The following DNAH17 variants were observed in gnomAD, a reference collection of about 807,000 sequenced individuals.
DNAH17 encodes axonemal beta dynein heavy chain 17.
Under a neutral mutation model 485.6 loss-of-function variants are expected in DNAH17, and 376 were observed. The observed-to-expected ratio is 0.77, with a 90% CI of 0.71 to 0.84. The LOEUF is 0.84. Among genes scored for constraint, DNAH17 ranks in the 40% least tolerant of loss-of-function variants. The pLI, the probability that DNAH17 is intolerant of heterozygous loss-of-function variation, is 0.00. For missense variants in DNAH17, 6,370 were observed against 5,839.3 expected (o/e 1.09, Z -2.96); for synonymous variants, 3,031 against 2,405.9 (o/e 1.26, Z -7.60).
chr17:78,562,876 GACA>G (rs2092187344), intron 11 of DNAH17, among the ~76,000 whole-genome samples: 1 of 152,170 alleles, frequency 6.6e-6, no homozygotes, highest in African/African-American at 2.4e-5. Flanking sequence ...AGAGAGGGAA[GACA>G]ACCTCACACG....
intron 80 of DNAH17, chr17:78,424,392 C>T: frequency 2.1e-6 from 1 of 474,992 alleles, no homozygotes; most frequent in Admixed American, 3.6e-5. Context: ...CGGGTTCCAT[C>T]CGTTTAAATC....
At chr17:78,503,437 G>A (rs902910213) in intron 31 of DNAH17, among the ~76,000 whole-genome samples, 6 of 149,394 alleles carry the variant, frequency 4.0e-5, no homozygotes, top group East Asian at 2.0e-4. Flanking sequence ...CGCCCACCTC[G>A]GCCTCCTAAA....
At chr17:78,466,045 A>T (rs1430333886) in intron 56 of DNAH17, among the ~76,000 whole-genome samples, 1 of 152,132 alleles carries the variant, frequency 6.6e-6, no homozygotes, top group East Asian at 1.9e-4. Context: ...TCTGTGTAGA[A>T]AGAAGTAGAC....
intron 73 of DNAH17, 141 bp downstream of exon 73, chr17:78,438,949 C>T: frequency 7.8e-7 from 1 of 1,278,448 alleles, no homozygotes; most frequent in Non-Finnish European, 1.0e-6. Context: ...GGGATGCCTC[C>T]TCCTTCAGTG....
intron 20 of DNAH17, 117 bp from the exon 21 acceptor site, chr17:78,530,629 ACT>A: frequency 7.9e-7 from 1 of 1,259,230 alleles, no homozygotes; most frequent in Non-Finnish European, 1.1e-6. Context: ...CCTGCCGGCC[ACT>A]CTGGGGCCAG....
At chr17:78,546,946 C>T (rs567039120) in intron 16 of DNAH17, among the ~76,000 whole-genome samples, 15 of 152,124 alleles carry the variant, frequency 9.9e-5, no homozygotes, top group African/African-American at 2.4e-4. Flanking sequence ...TCATTATCCA[C>T]GTTTAGGAAT....
At chr17:78,493,006 A>G in intron 41 of DNAH17, 1 of 336,722 alleles carries the variant, frequency 3.0e-6, no homozygotes, top group Admixed American at 4.5e-5. Context: ...GCCCATGACC[A>G]CACCCGGCTA....
Position 78,423,976 on chromosome 17 carries a change from A to G in DNAH17, c.13319T>C (p.Phe4440Ser), listed in dbSNP as rs746062866. 3.1e-6 allele frequency: 5 copies of G among 1,613,890 alleles called. No homozygotes were observed. The East Asian group carries it at 8.9e-5, about 29-fold the overall frequency. The change falls in exon 81 of 81, where the codon TTT becomes TCT. Residue 4440 changes from phenylalanine (F) to serine (S), a missense_variant. Physicochemically the swap from Phe to Ser is radical, Grantham distance 155. Coordinates refer to ENST00000389840, the MANE Select transcript of DNAH17 (RefSeq NM_173628.4). ...RIRGPTYVWT[F>S]NLKTKEKAAK... ...TGCCTTCTCTTTGGTCTTCAAGTTA[A>G]AGGTCCAGACATAGGTGGGGCCGCG... is the stretch of plus-strand genomic sequence containing the variant.
intron 26 of DNAH17, 99 bp from the exon 27 acceptor site, chr17:78,510,605 G>A (rs1568178143): frequency 7.9e-6 from 12 of 1,517,274 alleles, no homozygotes; most frequent in Non-Finnish European, 8.1e-6. Context: ...GCCGGGGCAC[G>A]ATCCCGGGCT....
rs1434099337 is a variant in DNAH17, at chr17:78,552,682, AT to A, written c.2287+14del. On this transcript the variant is annotated intron_variant, in intron 15 of 80. Coordinates refer to ENST00000389840, the MANE Select transcript of DNAH17 (RefSeq NM_173628.4). ...CCAAGTTTAATCCAATGTGGGAGGA[AT>A]GTGGCCTCCGTACCTTCGCCATTCC... 9.4e-6 allele frequency: 15 copies of A among 1,596,322 alleles called. No homozygotes were observed. The highest frequency in any genetic ancestry group is 1.3e-5 in the Non-Finnish European group (15 of 1,163,894).
chr17:78,461,516 G>A, intron 58 of DNAH17, 28 bp downstream of exon 58: 1 of 1,532,008 alleles, frequency 6.5e-7, no homozygotes, highest in Non-Finnish European at 8.8e-7. Flanking sequence ...CAGCCTTCCT[G>A]AAGGCACGCT....
At position 78,466,059 on chromosome 17, in the gene DNAH17, G is replaced by A. The variant is rs200301945; in HGVS notation, c.8940+596C>T. ...GTCTGTGTAGAAAGAAGTAGACATG[G>A]GAGACTTTTCATTTTGTTCTGTACT... is the stretch of plus-strand genomic sequence containing the variant. On this transcript the variant is annotated intron_variant, in intron 56 of 80. Coordinates refer to ENST00000389840, the MANE Select transcript of DNAH17 (RefSeq NM_173628.4). 5.6e-3 allele frequency among the ~76,000 whole-genome samples: 857 copies of A among 152,242 alleles called. 6 individuals carry two copies. Among genetic ancestry groups the A allele is most frequent in the East Asian group, 0.021 (108 of 5,182 alleles).
intron 31 of DNAH17, among the ~76,000 whole-genome samples, chr17:78,504,200 G>T (rs2090405925): frequency 6.6e-6 from 1 of 151,772 alleles, no homozygotes; most frequent in South Asian, 2.1e-4. Flanking sequence ...CGAGTAGCTG[G>T]GACTACAGGT....
At chr17:78,464,325 T>A (rs1408652016) in intron 56 of DNAH17, among the ~76,000 whole-genome samples, 1 of 152,214 alleles carries the variant, frequency 6.6e-6, no homozygotes, top group Non-Finnish European at 1.5e-5. Context: ...AGTGGCACAA[T>A]CTTGGCTTAC....
chr17:78,485,379 G>A (rs1485683148), intron 47 of DNAH17, among the ~76,000 whole-genome samples, 171 bp downstream of exon 47: 1 of 152,058 alleles, frequency 6.6e-6, no homozygotes, highest in East Asian at 1.9e-4. Context: ...GGTCCCGGCT[G>A]CTCCTCCTCT....
intron 49 of DNAH17, among the ~76,000 whole-genome samples, chr17:78,479,888 G>C (rs187846334): frequency 6.6e-6 from 1 of 152,148 alleles, no homozygotes; most frequent in Non-Finnish European, 1.5e-5. Context: ...TCAGAGTACA[G>C]GCCTGGGTTT....
intron 54 of DNAH17, 36 bp downstream of exon 54, chr17:78,475,242 C>T: frequency 6.2e-7 from 1 of 1,607,436 alleles, no homozygotes; most frequent in South Asian, 1.1e-5. Context: ...CCTGACCCTA[C>T]CCTGAAAGGC....
Position 78,450,674 on chromosome 17 carries a change from G to A in DNAH17, c.10899+8C>T. ...GCTGCCAGGGCACGTCACCGAGGCA[G>A]CTCTGACCTTCTCCTCGATCTCGCT... is the stretch of plus-strand genomic sequence containing the variant. On this transcript the variant is annotated splice_region_variant and intron_variant, in intron 67 of 80. Coordinates refer to ENST00000389840, the MANE Select transcript of DNAH17 (RefSeq NM_173628.4). The A allele has an allele frequency of 6.2e-7, 1 of 1,610,556 alleles. No homozygotes were observed. The highest frequency in any genetic ancestry group is 8.5e-7 in the Non-Finnish European group (1 of 1,178,592).
At position 78,435,672 on chromosome 17, in the gene DNAH17, G is replaced by A. The variant is rs148120878; in HGVS notation, c.12034-1452C>T. ...TGCCCCTGTGCTTGGATTCACAAGTGTCGGGTCGCTGCAGAGTTTGTTGAG... is the reference window on the plus strand; with the variant it reads ...TGCCCCTGTGCTTGGATTCACAAGTATCGGGTCGCTGCAGAGTTTGTTGAG... On this transcript the variant is annotated intron_variant, in intron 74 of 80. Coordinates refer to ENST00000389840, the MANE Select transcript of DNAH17 (RefSeq NM_173628.4). 3.9e-5 allele frequency among the ~76,000 whole-genome samples: 6 copies of A among 152,380 alleles called. 1 individual carries two copies. The highest frequency in any genetic ancestry group is 2.1e-4 in the South Asian group (1 of 4,834).
Sources: allele counts gnomAD v4.1 joint callset (sites outside exome capture counted in the v4.1 genomes callset), GRCh38; gene constraint gnomAD v4.1.1; transcripts MANE v1.5; gene names NCBI Gene and HGNC (gene_info 2026-07-23, HGNC 2026-07-21).